Variants in GBA1 observed in about 807,000 individuals in gnomAD.
GBA1 encodes glucosylceramidase beta 1.
At chr1:155,237,007 G>C in the GBA1 span, among the ~76,000 whole-genome samples, 1 of 150,564 alleles carries the variant, frequency 6.6e-6, no homozygotes, top group Non-Finnish European at 1.5e-5. Context: ...TGGGATTACA[G>C]ACACCCACCA....
At chr1:155,236,168 G>T in the GBA1 span, 1 of 1,254,300 alleles carries the variant, frequency 8.0e-7, no homozygotes, top group Non-Finnish European at 1.2e-6. Context: ...GGACAGGAAG[G>T]GCTTCTGTCA....
chr1:155,235,917 C>T, the GBA1 span: 2 of 1,586,512 alleles, frequency 1.3e-6, no homozygotes, highest in Non-Finnish European at 1.7e-6. Flanking sequence ...GTAAGGGTCA[C>T]ATGTGGGAGA....
chr1:155,236,294 C>T, the GBA1 span: 4 of 1,614,024 alleles, frequency 2.5e-6, no homozygotes, highest in African/African-American at 1.3e-5. Context: ...GGAGCCTAGC[C>T]GCACACTCTG....
At chr1:155,237,328 G>T in the GBA1 span, 1 of 1,613,934 alleles carries the variant, frequency 6.2e-7, no homozygotes. Context: ...CACCATGGAG[G>T]TCCAGGCCTT....
the GBA1 span, chr1:155,239,843 G>A: frequency 5.0e-6 from 8 of 1,613,878 alleles, no homozygotes; most frequent in African/African-American, 1.1e-4. Flanking sequence ...TTACCTCTAG[G>A]AGGACCCAGC....
the GBA1 span, among the ~76,000 whole-genome samples, chr1:155,241,968 C>T: frequency 6.6e-6 from 1 of 152,160 alleles, no homozygotes; most frequent in Non-Finnish European, 1.5e-5. Flanking sequence ...AAGTGTTGTA[C>T]AAAGCCATAT....
chr1:155,236,532 G>T, the GBA1 span: 1 of 1,329,934 alleles, frequency 7.5e-7, no homozygotes, highest in Non-Finnish European at 1.1e-6. Flanking sequence ...TCTAGTTCCT[G>T]TTGTAGGAAT....
chr1:155,238,797 T>C, the GBA1 span: 4 of 1,160,280 alleles, frequency 3.4e-6, no homozygotes, highest in Non-Finnish European at 5.1e-6. Context: ...GGCTGGCACC[T>C]GGGTGAAGCG....
the GBA1 span, chr1:155,240,184 C>G: frequency 5.7e-6 from 6 of 1,050,578 alleles, no homozygotes; most frequent in Non-Finnish European, 7.1e-6. Context: ...CACCCCTTGG[C>G]CGGGCGCAGG....
At chr1:155,238,661 G>A in the GBA1 span, 6 of 1,613,724 alleles carry the variant, frequency 3.7e-6, no homozygotes, top group Non-Finnish European at 5.1e-6. Context: ...CTACAGAAAA[G>A]GATGATCAAG....
the GBA1 span, chr1:155,238,599 A>C: frequency 6.2e-7 from 1 of 1,613,590 alleles, no homozygotes; most frequent in Non-Finnish European, 8.5e-7. Flanking sequence ...GTAGGTGCGG[A>C]TGGAGAAGTC....
the GBA1 span, chr1:155,237,438 C>T: frequency 1.8e-4 from 292 of 1,613,900 alleles, no homozygotes; most frequent in Non-Finnish European, 2.3e-4. Context: ...ACCTAGGTCA[C>T]GGGCAATGAA....
chr1:155,241,139 A>G, the GBA1 span: 1 of 1,612,404 alleles, frequency 6.2e-7, no homozygotes, highest in Non-Finnish European at 8.5e-7. Context: ...GATGAAGAGA[A>G]GACCACAGGG....
At chr1:155,236,250 T>C in the GBA1 span, 3 of 1,613,646 alleles carry the variant, frequency 1.9e-6, no homozygotes, top group Admixed American at 3.3e-5. Context: ...CTTACCGTGA[T>C]GATGCTGTGG....
the GBA1 span, chr1:155,241,359 T>C: frequency 1.7e-6 from 1 of 604,524 alleles, no homozygotes; most frequent in Admixed American, 2.9e-5. Context: ...TCTCATCTGT[T>C]ACAGATTATA....
chr1:155,236,558 CG>C, the GBA1 span: 1 of 1,042,288 alleles, frequency 9.6e-7, no homozygotes, highest in East Asian at 2.5e-5. Flanking sequence ...AGTTGGGTGA[CG>C]GGAAGAATGC....
At chr1:155,236,248 G>A in the GBA1 span, 1 of 1,613,412 alleles carries the variant, frequency 6.2e-7, no homozygotes, top group Non-Finnish European at 8.5e-7. Context: ...GGCTTACCGT[G>A]ATGATGCTGT....
At chr1:155,241,399 G>A in the GBA1 span, 1 of 526,180 alleles carries the variant, frequency 1.9e-6, no homozygotes, top group African/African-American at 1.9e-5. Context: ...GGGCATGTAT[G>A]GGTGACAACT....
At chr1:155,236,510 G>A in the GBA1 span, 1 of 1,496,970 alleles carries the variant, frequency 6.7e-7, no homozygotes, top group Non-Finnish European at 9.3e-7. Flanking sequence ...TTGCACACAG[G>A]CTTCTGGAAC....
Sources: allele counts gnomAD v4.1 joint callset (sites outside exome capture counted in the v4.1 genomes callset), GRCh38; gene constraint gnomAD v4.1.1; transcripts MANE v1.5; gene names NCBI Gene and HGNC (gene_info 2026-07-23, HGNC 2026-07-21).